CD48: variants seen among roughly 807,000 people sequenced by gnomAD.
The protein encoded by CD48 is CD48 antigen.
In CD48, 20 loss-of-function variants were observed where a neutral mutation model predicts 22.0. The observed-to-expected ratio is 0.91, with a 90% CI of 0.64 to 1.32. The LOEUF is 1.32. CD48 is among the 40% of genes most tolerant of loss of function. CD48 has a pLI of 0.00. For synonymous variants in CD48, 110 were observed against 110.1 expected, an observed-to-expected ratio of 1.00 and a Z score of 0.01; for missense variants, 307 against 286.5, an observed-to-expected ratio of 1.07 and a Z score of -0.52.
chr1:160,681,541 C>CA lies in CD48; in HGVS notation c.386-74dup. 6 of 1,555,328 alleles carry CA rather than the reference C, an allele frequency of 3.9e-6. No individual in the cohort carries two copies. The South Asian group carries it at 6.0e-5, about 16-fold the overall frequency. ...CTGTGAAGGTTTAGCCAACAAAGAACAAAGGGATCCAGGGAAGGGGCCTGA... is the reference window on the plus strand; with the variant it reads ...CTGTGAAGGTTTAGCCAACAAAGAACAAAAGGGATCCAGGGAAGGGGCCTGA... On this transcript the variant is annotated intron_variant, in intron 2 of 3. Transcript: ENST00000368046.
At chr1:160,706,080 T>A (rs981448024) in intron 1 of CD48, among the ~76,000 whole-genome samples, 1 of 152,018 alleles carries the variant, frequency 6.6e-6, no homozygotes, top group African/African-American at 2.4e-5. Flanking sequence ...CACTTATATA[T>A]ATATAATTTT....
At chr1:160,702,205 C>T (rs1662652154) in intron 1 of CD48, among the ~76,000 whole-genome samples, 1 of 152,088 alleles carries the variant, frequency 6.6e-6, no homozygotes, top group South Asian at 2.1e-4. Flanking sequence ...GGTAAAGGGC[C>T]AGTGACCCCC....
At chr1:160,690,327 T>A (rs1199662089) in intron 1 of CD48, among the ~76,000 whole-genome samples, 1 of 152,176 alleles carries the variant, frequency 6.6e-6, no homozygotes, top group African/African-American at 2.4e-5. Context: ...TACTGAGACA[T>A]GCACATATGA....
At position 160,681,342 on chromosome 1, in the gene CD48, G is replaced by T. The variant is rs1337080513; in HGVS notation, c.512C>A (p.Pro171His). The change falls in exon 3 of 4, where the codon CCC becomes CAC. Residue 171 changes from proline (P) to histidine (H), a missense_variant. Pro to His is a moderately conservative substitution (Grantham distance 77). Transcript: ENST00000368046. Reference protein sequence around the residue: ...VNYTWYGDKRPFPKELQNSVL... With the variant: ...VNYTWYGDKRHFPKELQNSVL... ...ACTGTTCTGGAGCTCCTTTGGGAAG[G>T]GCCTTTTGTCCCCATACCAGGTGTA... 6.2e-7 allele frequency: 1 copy of T among 1,614,030 alleles called. No homozygotes were observed. The highest frequency in any genetic ancestry group is 8.5e-7 in the Non-Finnish European group (1 of 1,180,038).
At chr1:160,680,661 A>ACAT in intron 3 of CD48, 1 of 1,010,294 alleles carries the variant, frequency 9.9e-7, no homozygotes, top group Non-Finnish European at 1.2e-6. Flanking sequence ...TCATCTAGGA[A>ACAT]CATCAGGCTG....
At position 160,685,116 on chromosome 1, in the gene CD48, G is replaced by A. The variant is rs1661950966; in HGVS notation, c.156C>T (p.Asn52=). 1 of 1,613,886 alleles carries A rather than the reference G, an allele frequency of 6.2e-7. No individual in the cohort carries two copies. Among genetic ancestry groups the A allele is most frequent in the African/African-American group, 1.3e-5 (1 of 74,914 alleles). ...TATAAAACCAGGTTAGTTGTTTGTA[G>A]TTCTCAGGCAGGCTCTCAGAGATGT... ...TLNISESLPE[N]YKQLTWFYTF... The change falls in exon 2 of 4, where the codon AAC becomes AAT. Residue 52 remains asparagine (N), a synonymous_variant. Transcript: ENST00000368046.
chr1:160,679,913 A>T (rs890622422), intron 3 of CD48, among the ~76,000 whole-genome samples: 1 of 152,218 alleles, frequency 6.6e-6, no homozygotes, highest in African/African-American at 2.4e-5. Flanking sequence ...TTGTGTTCTC[A>T]TGGTCAGATA....
chr1:160,709,769 T>A (rs1202211140), intron 1 of CD48, among the ~76,000 whole-genome samples: 1 of 152,184 alleles, frequency 6.6e-6, no homozygotes, highest in Non-Finnish European at 1.5e-5. Context: ...TTTTTTGAAG[T>A]TGTTCATTCA....
At chr1:160,687,474 A>T (rs1168281231) in intron 1 of CD48, among the ~76,000 whole-genome samples, 2 of 152,214 alleles carry the variant, frequency 1.3e-5, no homozygotes, top group Non-Finnish European at 2.9e-5. Flanking sequence ...TTTACAATTT[A>T]TGTTTAGAGA....
intron 1 of CD48, among the ~76,000 whole-genome samples, chr1:160,705,645 G>A (rs1289571115): frequency 6.6e-6 from 1 of 152,194 alleles, no homozygotes; most frequent in Non-Finnish European, 1.5e-5. Context: ...CTTTCTAGGA[G>A]TTTAAAATCA....
intron 1 of CD48, among the ~76,000 whole-genome samples, chr1:160,701,249 A>G (rs1440788251): frequency 4.3e-5 from 1 of 23,350 alleles, no homozygotes; most frequent in Non-Finnish European, 9.8e-5. Context: ...GACGGCCCCC[A>G]TAGGTTTAAT....
intron 2 of CD48, chr1:160,683,914 C>A (rs1416262107): frequency 6.6e-6 from 1 of 152,148 alleles, no homozygotes; most frequent in Non-Finnish European, 1.5e-5. Context: ...CTCCCCATAT[C>A]CATGTTTCTG....
intron 1 of CD48, among the ~76,000 whole-genome samples, chr1:160,704,993 G>A (rs1412623427): frequency 1.3e-5 from 2 of 152,134 alleles, no homozygotes; most frequent in Non-Finnish European, 2.9e-5. Context: ...GCTAAAGGTA[G>A]AAGAAGAGGA....
rs139198213 is a variant in CD48, at chr1:160,684,948, G to C, written c.324C>G (p.Ile108Met). The C allele has an allele frequency of 9.2e-5, 148 of 1,614,152 alleles. No homozygotes were observed. The African/African-American group carries it at 1.8e-3, about 19-fold the overall frequency. The part of the protein sequence containing the change: ...KVQKEDNSTY[I>M]MRVLKKTGNE... ...TCCCAGTCTTTTTCAACACCCTCAT[G>C]ATGTAGGTGCTGTTGTCCTCTTTCT... The change falls in exon 2 of 4, where the codon ATC becomes ATG. Residue 108 changes from isoleucine to methionine, a missense_variant. By Grantham distance (10) the Ile-to-Met change is conservative (BLOSUM62 1). Transcript: ENST00000368046.
At chr1:160,708,931 T>G (rs352680) in intron 1 of CD48, among the ~76,000 whole-genome samples, 53,396 of 151,924 alleles carry the variant, frequency 0.35, 9,719 homozygotes, top group South Asian at 0.51. Context: ...GGGAGGCTTC[T>G]GCTGAGTGGC....
intron 1 of CD48, among the ~76,000 whole-genome samples, chr1:160,699,985 C>A (rs1662575323): frequency 6.6e-6 from 1 of 152,060 alleles, no homozygotes; most frequent in Non-Finnish European, 1.5e-5. Flanking sequence ...TGAGAAACAC[C>A]CACAGGTGTG....
chr1:160,704,646 ATGC>A (rs1279279038), intron 1 of CD48, among the ~76,000 whole-genome samples: 17 of 152,190 alleles, frequency 1.1e-4, no homozygotes, highest in African/African-American at 3.9e-4. Context: ...AACTAAAATT[ATGC>A]TGCTATTTTT....
At chr1:160,707,231 A>C (rs1662822414) in intron 1 of CD48, among the ~76,000 whole-genome samples, 1 of 152,240 alleles carries the variant, frequency 6.6e-6, no homozygotes, top group South Asian at 2.1e-4. Flanking sequence ...AGGAAGGAGA[A>C]ACAATAAAAA....
chr1:160,710,004 G>T (rs1662902937), intron 1 of CD48, among the ~76,000 whole-genome samples: 1 of 152,166 alleles, frequency 6.6e-6, no homozygotes, highest in African/African-American at 2.4e-5. Flanking sequence ...AAAAACAGAA[G>T]CCTAAAAGAG....
Sources: gnomAD v4.1 joint callset for allele counts (sites outside exome capture counted in the v4.1 genomes callset) on GRCh38, gnomAD v4.1.1 for gene constraint, MANE v1.5 for transcripts, NCBI Gene and HGNC (gene_info 2026-07-23, HGNC 2026-07-21) for gene names.